LHPP: variants seen among roughly 807,000 people sequenced by gnomAD.
LHPP encodes the protein hLHPP.
LHPP carries 24 observed loss-of-function variants against 30.3 expected under a neutral mutation model. The observed-to-expected ratio is 0.79, with a 90% CI of 0.57 to 1.11. The LOEUF (loss-of-function observed/expected upper bound fraction) is 1.11. LHPP is among the 50% of genes most tolerant of loss of function. The pLI, the probability that LHPP is intolerant of heterozygous loss-of-function variation, is 0.00. For synonymous variants in LHPP, 150 were observed against 157.1 expected (o/e 0.95, Z 0.34); for missense variants, 356 against 367.2 (o/e 0.97, Z 0.25).
intron 6 of LHPP, among the ~76,000 whole-genome samples, chr10:124,522,202 C>A (rs1049724224): frequency 2.6e-5 from 4 of 152,164 alleles, no homozygotes; most frequent in Admixed American, 2.0e-4. Flanking sequence ...TCTTTTCATA[C>A]CTGCTCCCTG....
chr10:124,497,394 T>C (rs1213333464), intron 4 of LHPP, among the ~76,000 whole-genome samples: 1 of 152,198 alleles, frequency 6.6e-6, no homozygotes, highest in East Asian at 1.9e-4. Context: ...GTATCAGTGC[T>C]GACCACCGCT....
At chr10:124,604,965 A>G (rs1949073154) in intron 6 of LHPP, among the ~76,000 whole-genome samples, 1 of 152,208 alleles carries the variant, frequency 6.6e-6, no homozygotes, top group African/African-American at 2.4e-5. Flanking sequence ...AGGTCCCTCA[A>G]GAGCCCCTCG....
At chr10:124,464,476 G>C (rs1952502327) in intron 1 of LHPP, among the ~76,000 whole-genome samples, 1 of 152,224 alleles carries the variant, frequency 6.6e-6, no homozygotes, top group Admixed American at 6.5e-5. Context: ...GGAACAGGGA[G>C]ACTTGGCTTC....
At chr10:124,472,107 T>C (rs1952796733) in intron 1 of LHPP, among the ~76,000 whole-genome samples, 1 of 151,192 alleles carries the variant, frequency 6.6e-6, no homozygotes, top group Admixed American at 6.6e-5. Context: ...AGGTCAGGAG[T>C]TTGAGACCAG....
At chr10:124,583,234 T>A (rs7081550) in intron 6 of LHPP, among the ~76,000 whole-genome samples, 92,650 of 152,088 alleles carry the variant, frequency 0.61, 29,003 homozygotes, top group African/African-American at 0.77. Context: ...TGAAGCCATG[T>A]AGATTTACCC....
chr10:124,476,710 A>G (rs180889428), intron 1 of LHPP, among the ~76,000 whole-genome samples: 2 of 152,282 alleles, frequency 1.3e-5, no homozygotes, highest in African/African-American at 4.8e-5. Flanking sequence ...GTATTTTTCT[A>G]TTGAAAAAAC....
At chr10:124,495,906 G>A (rs1171570404) in intron 3 of LHPP, among the ~76,000 whole-genome samples, 2 of 152,176 alleles carry the variant, frequency 1.3e-5, no homozygotes, top group Admixed American at 6.5e-5. Flanking sequence ...TTACAGATTA[G>A]GAAACTGAGG....
intron 6 of LHPP, among the ~76,000 whole-genome samples, chr10:124,550,123 C>T (rs1028266248): frequency 1.3e-5 from 2 of 152,214 alleles, no homozygotes; most frequent in African/African-American, 4.8e-5. Flanking sequence ...ATGGACTTCT[C>T]TCCTTTGCGT....
At chr10:124,508,689 A>G (rs1445927773) in intron 5 of LHPP, among the ~76,000 whole-genome samples, 1 of 152,152 alleles carries the variant, frequency 6.6e-6, no homozygotes, top group Non-Finnish European at 1.5e-5. Context: ...GGAGCTAAGA[A>G]AAATTCAGGA....
chr10:124,462,017 C>T lies in LHPP; in HGVS notation c.125+30C>T, dbSNP rs1179227602. The T allele has an allele frequency of 5.8e-6, 7 of 1,200,966 alleles. No individual in the cohort carries two copies. In the African/African-American group the frequency reaches 7.9e-5, roughly 14 times the overall value. The allele number at this position is 1,200,966 out of a possible 1,614,324, so 74.4% of individuals were successfully genotyped here. ...GTGGGCCCCGGGACGCCGCTGGGGC[C>T]GCCGAGCTCTAAGCTCAGCCCGCTC... is the stretch of plus-strand genomic sequence containing the variant. On this transcript the variant is annotated intron_variant, in intron 1 of 6. Coordinates refer to ENST00000368842, the MANE Select transcript of LHPP (RefSeq NM_022126.4).
chr10:124,497,310 C>G (rs923086314), intron 4 of LHPP, among the ~76,000 whole-genome samples: 5 of 105,508 alleles, frequency 4.7e-5, no homozygotes, highest in Admixed American at 2.8e-4. Flanking sequence ...TGGGCGCAGC[C>G]CCCCCTGCCC....
chr10:124,613,224 A>C (rs1383048004), intron 6 of LHPP, 40 bp from the exon 7 acceptor site: 1 of 1,460,922 alleles, frequency 6.8e-7, no homozygotes, highest in African/African-American at 1.4e-5. Flanking sequence ...CAGAGGGGTC[A>C]GCGTGGGGGC....
At chr10:124,470,311 G>A (rs764605722) in intron 1 of LHPP, among the ~76,000 whole-genome samples, 2 of 152,148 alleles carry the variant, frequency 1.3e-5, no homozygotes, top group East Asian at 1.9e-4. Context: ...CCGGCTCGGC[G>A]TTTTTGGAGC....
At chr10:124,469,343 G>C (rs934262411) in intron 1 of LHPP, among the ~76,000 whole-genome samples, 10 of 152,216 alleles carry the variant, frequency 6.6e-5, no homozygotes, top group Admixed American at 1.3e-4. Flanking sequence ...TTTCTGTGAT[G>C]ATGGGTCCTC....
At chr10:124,612,619 T>C (rs1053656016) in intron 6 of LHPP, among the ~76,000 whole-genome samples, 6 of 152,116 alleles carry the variant, frequency 3.9e-5, no homozygotes, top group Non-Finnish European at 5.9e-5. Context: ...CAGCATCCAG[T>C]GAGACCTCAG....
chr10:124,570,742 T>A (rs886863234), intron 6 of LHPP, among the ~76,000 whole-genome samples: 1 of 152,262 alleles, frequency 6.6e-6, no homozygotes, highest in African/African-American at 2.4e-5. Context: ...TGTGTCTGAC[T>A]CCATTCACTT....
intron 1 of LHPP, among the ~76,000 whole-genome samples, chr10:124,470,527 A>G (rs1259487860): frequency 2.0e-5 from 3 of 152,090 alleles, no homozygotes; most frequent in Non-Finnish European, 4.4e-5. Flanking sequence ...AGCGAAGGCC[A>G]GGGCCAGGGG....
At chr10:124,565,822 G>C (rs1479444821) in intron 6 of LHPP, among the ~76,000 whole-genome samples, 1 of 152,222 alleles carries the variant, frequency 6.6e-6, no homozygotes, top group South Asian at 2.1e-4. Context: ...GGGCCCTGTG[G>C]ATCCGCCCTG....
Position 124,483,713 on chromosome 10 carries a change from T to C in LHPP, c.126-426T>C, listed in dbSNP as rs538433995. Among the ~76,000 whole-genome samples the C allele has an allele frequency of 2.1e-4, 32 of 152,014 alleles. 1 individual carries two copies. The highest frequency in any genetic ancestry group is 6.2e-4 in the South Asian group (3 of 4,808). On this transcript the variant is annotated intron_variant, in intron 1 of 6. Coordinates refer to ENST00000368842, the MANE Select transcript of LHPP (RefSeq NM_022126.4). Reference sequence around the variant, plus strand: ...CGGAGGTTGCAGTGAGCTGAGATCATGCCACTGCACTCCAGCCTGGGCGAC... The same window carrying C: ...CGGAGGTTGCAGTGAGCTGAGATCACGCCACTGCACTCCAGCCTGGGCGAC...
Sources: gnomAD v4.1 joint callset for allele counts (sites outside exome capture counted in the v4.1 genomes callset) on GRCh38, gnomAD v4.1.1 for gene constraint, MANE v1.5 for transcripts, NCBI Gene and HGNC (gene_info 2026-07-23, HGNC 2026-07-21) for gene names.